DSCAML1: variants seen among roughly 807,000 people sequenced by gnomAD.
The protein encoded by DSCAML1 is DS cell adhesion molecule like 1.
In DSCAML1, 38 loss-of-function variants were observed where a neutral mutation model predicts 200.5. That is an observed-to-expected ratio of 0.19 (90% CI 0.15 to 0.25). The LOEUF is 0.25. Ranked by LOEUF, DSCAML1 falls within the 10% of genes least tolerant of loss-of-function variation. DSCAML1 has a pLI of 1.00. For missense variants in DSCAML1, 2,223 were observed against 2,858.8 expected (o/e 0.78, Z 5.07); for synonymous variants, 1,215 against 1,165.0 (o/e 1.04, Z -0.87).
At chr11:117,449,666 C>A (rs1315754642) in intron 20 of DSCAML1, among the ~76,000 whole-genome samples, 1 of 152,186 alleles carries the variant, frequency 6.6e-6, no homozygotes, top group African/African-American at 2.4e-5. Context: ...GCACATCTTC[C>A]TGACAGTACT....
At chr11:117,673,058 C>T (rs749673232) in intron 3 of DSCAML1, among the ~76,000 whole-genome samples, 2 of 152,106 alleles carry the variant, frequency 1.3e-5, no homozygotes, top group Admixed American at 6.5e-5. Context: ...CTCGGGCAAT[C>T]GGTTTTCATC....
At chr11:117,482,247 C>T in intron 11 of DSCAML1, 85 bp from the exon 12 acceptor site, 1 of 1,458,192 alleles carries the variant, frequency 6.9e-7, no homozygotes, top group Non-Finnish European at 9.4e-7. Context: ...GAAGCCCCCG[C>T]CCCAGCCCTC....
At chr11:117,455,404 A>G (rs1046495215) in intron 19 of DSCAML1, among the ~76,000 whole-genome samples, 4 of 152,162 alleles carry the variant, frequency 2.6e-5, no homozygotes, top group Admixed American at 2.0e-4. Context: ...GGGTCTAGTC[A>G]TGCCTCTTCC....
At chr11:117,764,658 C>T (rs1009351555) in intron 3 of DSCAML1, among the ~76,000 whole-genome samples, 5 of 152,240 alleles carry the variant, frequency 3.3e-5, no homozygotes, top group African/African-American at 1.2e-4. Flanking sequence ...GCTGACGGAA[C>T]CAGAAGCTGT....
intron 3 of DSCAML1, among the ~76,000 whole-genome samples, chr11:117,694,057 T>TTATATATATATATATATA (rs35313833): frequency 1.7e-4 from 20 of 116,632 alleles, no homozygotes; most frequent in African/African-American, 2.5e-4. Context: ...GGTTCTATCT[T>TTATATATATATATATATA]TATATATATA....
chr11:117,430,142 G>A (rs1212224082), intron 32 of DSCAML1, among the ~76,000 whole-genome samples: 1 of 152,198 alleles, frequency 6.6e-6, no homozygotes, highest in African/African-American at 2.4e-5. Context: ...GCCCTGCCCT[G>A]CCAGCCTCTA....
intron 31 of DSCAML1, among the ~76,000 whole-genome samples, 160 bp downstream of exon 31, chr11:117,431,374 C>G (rs746630182): frequency 3.9e-5 from 6 of 152,148 alleles, no homozygotes; most frequent in Non-Finnish European, 8.8e-5. Flanking sequence ...GTGTTTTTGT[C>G]CCAGCTGCAC....
intron 3 of DSCAML1, among the ~76,000 whole-genome samples, chr11:117,633,972 A>G (rs894650190): frequency 1.3e-5 from 2 of 152,154 alleles, no homozygotes; most frequent in African/African-American, 4.8e-5. Context: ...TTCAAGTTCA[A>G]TTTCAACAAC....
chr11:117,571,969 T>A (rs491300), intron 3 of DSCAML1, among the ~76,000 whole-genome samples: 1 of 152,158 alleles, frequency 6.6e-6, no homozygotes, highest in East Asian at 1.9e-4. Context: ...TCCAATGCCA[T>A]GGCAACGTCA....
chr11:117,543,788 T>C (rs1208845347), intron 3 of DSCAML1, among the ~76,000 whole-genome samples: 1 of 138,556 alleles, frequency 7.2e-6, no homozygotes, highest in Non-Finnish European at 1.5e-5. Context: ...ATGCACTGCA[T>C]GCTTATAGGG....
intron 11 of DSCAML1, among the ~76,000 whole-genome samples, chr11:117,493,117 T>C (rs2049219402): frequency 6.6e-6 from 1 of 152,088 alleles, no homozygotes. Flanking sequence ...AGAGAATGGT[T>C]GGGGACTTGG....
chr11:117,524,679 C>A, intron 5 of DSCAML1, 126 bp downstream of exon 5: 2 of 1,219,124 alleles, frequency 1.6e-6, no homozygotes, highest in Non-Finnish European at 2.2e-6. Flanking sequence ...CTGCCTTCCC[C>A]AGTCAGCCAG....
intron 19 of DSCAML1, among the ~76,000 whole-genome samples, chr11:117,456,156 G>A (rs1040747407): frequency 2.0e-5 from 3 of 152,190 alleles, no homozygotes; most frequent in African/African-American, 7.2e-5. Flanking sequence ...CGCAGGAAGA[G>A]ACTCCCTCTT....
At chr11:117,689,789 CA>C (rs2053464214) in intron 3 of DSCAML1, among the ~76,000 whole-genome samples, 1 of 152,208 alleles carries the variant, frequency 6.6e-6, no homozygotes, top group Non-Finnish European at 1.5e-5. Flanking sequence ...GCTTAATTCA[CA>C]TTCTCCTGGA....
At position 117,443,986 on chromosome 11, in the gene DSCAML1, G is replaced by A. The variant is rs201176906; in HGVS notation, c.3762C>T (p.His1254=). The change falls in exon 21 of 33, where the codon CAC becomes CAT. Residue 1254 remains histidine (H), a synonymous_variant. Transcript: ENST00000651296. ...SPEQLFYRIA[H]LNRGQQYLLW... The stretch of plus-strand genomic sequence containing the variant: ...GCAGATACTGCTGACCGCGGTTTAG[G>A]TGGGCGATCCGGTAGAAGAGCTGCT... 496 of 1,613,992 alleles carry A rather than the reference G, an allele frequency of 3.1e-4. No homozygotes were observed. Among genetic ancestry groups the A allele is most frequent in the Middle Eastern group, 1.3e-3 (8 of 6,054 alleles).
chr11:117,748,781 G>A (rs533598398), intron 3 of DSCAML1, among the ~76,000 whole-genome samples: 14 of 152,304 alleles, frequency 9.2e-5, no homozygotes, highest in African/African-American at 3.1e-4. Context: ...TAGGGAGGCC[G>A]AGAAAGACCT....
At position 117,500,523 on chromosome 11, in the gene DSCAML1, A is replaced by G. The variant is rs149930836; in HGVS notation, c.2359+3322T>C. 2.8e-5 allele frequency among the ~76,000 whole-genome samples: 4 copies of G among 141,766 alleles called. No individual in the cohort carries two copies. In the East Asian group the frequency reaches 8.3e-4, roughly 29 times the overall value. The allele number at this position is 141,766 out of a possible 152,430, so 93.0% of individuals were successfully genotyped here. On this transcript the variant is annotated intron_variant, in intron 11 of 32. Coordinates refer to ENST00000651296, the MANE Select transcript of DSCAML1 (RefSeq NM_020693.4). ...CTTACCAACGCACAAAGTACTACAC[A>G]GTAATTCCAAACTTACCGGGGAGGA...
chr11:117,750,424 G>A (rs2054588484), intron 3 of DSCAML1, among the ~76,000 whole-genome samples: 1 of 152,182 alleles, frequency 6.6e-6, no homozygotes. Flanking sequence ...ACTTGCAAAG[G>A]CTTGAGAGCA....
intron 3 of DSCAML1, among the ~76,000 whole-genome samples, chr11:117,586,083 G>A (rs1224790509): frequency 2.0e-5 from 3 of 152,174 alleles, no homozygotes; most frequent in African/African-American, 7.2e-5. Flanking sequence ...GAGGGAATCC[G>A]AGGATACCCT....
Sources: allele counts gnomAD v4.1 joint callset (sites outside exome capture counted in the v4.1 genomes callset), GRCh38; gene constraint gnomAD v4.1.1; transcripts MANE v1.5; gene names NCBI Gene and HGNC (gene_info 2026-07-23, HGNC 2026-07-21).